The following NCKAP5 variants were observed in gnomAD, a reference collection of about 807,000 sequenced individuals.
The protein encoded by NCKAP5 is NCK associated protein 5, also known as nck-associated protein 5.
NCKAP5 carries 92 observed loss-of-function variants against 167.0 expected under a neutral mutation model. The observed-to-expected ratio is 0.55, with a 90% CI of 0.47 to 0.66. The LOEUF is 0.66. Ranked by LOEUF, NCKAP5 falls within the 30% of genes least tolerant of loss-of-function variation. The pLI is 0.00. For synonymous variants in NCKAP5, 891 were observed against 877.4 expected, an observed-to-expected ratio of 1.02 and a Z score of -0.27; for missense variants, 2,378 against 2,315.0, an observed-to-expected ratio of 1.03 and a Z score of -0.56.
chr2:132,815,473 C>T (rs1686193579), intron 11 of NCKAP5, among the ~76,000 whole-genome samples: 1 of 152,138 alleles, frequency 6.6e-6, no homozygotes. Context: ...TTGGAGACTA[C>T]AAATATTGCT....
At chr2:132,778,430 T>G (rs1682735498) in intron 15 of NCKAP5, among the ~76,000 whole-genome samples, 1 of 152,110 alleles carries the variant, frequency 6.6e-6, no homozygotes, top group Non-Finnish European at 1.5e-5. Context: ...TTGCTACACA[T>G]GTGGATTTGT....
intron 8 of NCKAP5, among the ~76,000 whole-genome samples, chr2:132,933,642 T>C (rs530138408): frequency 2.0e-5 from 3 of 152,322 alleles, no homozygotes; most frequent in African/African-American, 4.8e-5. Flanking sequence ...GTGATCCCAA[T>C]TAAAATTCTT....
chr2:133,079,691 C>T (rs1195204844), intron 6 of NCKAP5, among the ~76,000 whole-genome samples: 1 of 152,090 alleles, frequency 6.6e-6, no homozygotes, highest in Admixed American at 6.6e-5. Context: ...AAAGTAATTG[C>T]TAATATTTTG....
At chr2:133,472,324 A>T (rs182634148) in intron 3 of NCKAP5, among the ~76,000 whole-genome samples, 1 of 152,128 alleles carries the variant, frequency 6.6e-6, no homozygotes, top group Non-Finnish European at 1.5e-5. Flanking sequence ...CTTATAAATT[A>T]TCTTGTATCT....
intron 3 of NCKAP5, among the ~76,000 whole-genome samples, chr2:133,314,145 C>G (rs911689924): frequency 2.6e-5 from 4 of 152,274 alleles, no homozygotes; most frequent in African/African-American, 7.2e-5. Flanking sequence ...CCAAAGCTAT[C>G]CTGGGAGTCC....
chr2:132,740,516 T>A (rs1163000732), intron 16 of NCKAP5, among the ~76,000 whole-genome samples: 1 of 152,152 alleles, frequency 6.6e-6, no homozygotes, highest in Non-Finnish European at 1.5e-5. Context: ...CATTCTAAGT[T>A]TACCCCATGG....
intron 5 of NCKAP5, among the ~76,000 whole-genome samples, chr2:133,200,866 G>C (rs2085655108): frequency 6.6e-6 from 1 of 152,068 alleles, no homozygotes; most frequent in Non-Finnish European, 1.5e-5. Context: ...ATACCACTCA[G>C]CTATTTTTTA....
intron 3 of NCKAP5, among the ~76,000 whole-genome samples, chr2:133,348,372 G>A (rs1240548268): frequency 6.6e-6 from 1 of 152,198 alleles, no homozygotes; most frequent in Non-Finnish European, 1.5e-5. Context: ...TATTTGGGGA[G>A]TAGAGTTTAG....
the NCKAP5 span, among the ~76,000 whole-genome samples, chr2:133,615,113 AC>A: frequency 6.6e-6 from 1 of 151,800 alleles, no homozygotes; most frequent in East Asian, 1.9e-4. Flanking sequence ...AGATTTTGTC[AC>A]CACCAGGCCT....
chr2:133,394,269 T>A (rs1336387626), intron 3 of NCKAP5, among the ~76,000 whole-genome samples: 1 of 152,194 alleles, frequency 6.6e-6, no homozygotes, highest in African/African-American at 2.4e-5. Flanking sequence ...TTGTGGGATG[T>A]GTCTATATGG....
chr2:133,454,125 A>C (rs1208815089), intron 3 of NCKAP5, among the ~76,000 whole-genome samples: 1 of 152,036 alleles, frequency 6.6e-6, no homozygotes, highest in Non-Finnish European at 1.5e-5. Context: ...GAAATGAAGA[A>C]ATTAAGCTTA....
the NCKAP5 span, among the ~76,000 whole-genome samples, chr2:133,640,962 T>C: frequency 6.6e-6 from 1 of 152,234 alleles, no homozygotes; most frequent in Non-Finnish European, 1.5e-5. Context: ...CAAATAACTC[T>C]CCCCTTTTCC....
At chr2:133,200,760 T>C (rs1403554940) in intron 5 of NCKAP5, among the ~76,000 whole-genome samples, 1 of 152,188 alleles carries the variant, frequency 6.6e-6, no homozygotes, top group Non-Finnish European at 1.5e-5. Context: ...AAGAATTTCA[T>C]AGCAGCCTTA....
chr2:133,105,800 A>C (rs2081665113), intron 6 of NCKAP5, among the ~76,000 whole-genome samples: 1 of 152,214 alleles, frequency 6.6e-6, no homozygotes, highest in African/African-American at 2.4e-5. Context: ...TCTCTTAAAA[A>C]AATGTTGCTG....
At chr2:133,175,949 A>G (rs577115562) in intron 5 of NCKAP5, among the ~76,000 whole-genome samples, 2 of 152,336 alleles carry the variant, frequency 1.3e-5, no homozygotes, top group East Asian at 1.9e-4. Flanking sequence ...TCTGTTAAAA[A>G]TCTTAACTAG....
chr2:133,270,492 TAGTG>T (rs1295490370), intron 4 of NCKAP5, among the ~76,000 whole-genome samples: 3 of 152,068 alleles, frequency 2.0e-5, no homozygotes, highest in Admixed American at 1.3e-4. Context: ...TGATGGAAAA[TAGTG>T]AGGTAGGTGA....
At chr2:132,760,383 T>A (rs1264453241) in intron 16 of NCKAP5, among the ~76,000 whole-genome samples, 1 of 152,160 alleles carries the variant, frequency 6.6e-6, no homozygotes, top group Non-Finnish European at 1.5e-5. Flanking sequence ...CAATAATTAT[T>A]TTGTCTCAGA....
chr2:132,910,128 G>T (rs192550834), intron 8 of NCKAP5, among the ~76,000 whole-genome samples: 4 of 152,062 alleles, frequency 2.6e-5, no homozygotes, highest in Admixed American at 2.0e-4. Context: ...ATTTTTATGG[G>T]TATATAGTAG....
At chr2:133,666,449 C>T in the NCKAP5 span, among the ~76,000 whole-genome samples, 112 of 151,934 alleles carry the variant, frequency 7.4e-4, 1 homozygote, top group African/African-American at 2.6e-3. Flanking sequence ...CCACCCACCT[C>T]AGCCTCCCGA....
Sources: gnomAD v4.1 joint callset for allele counts (sites outside exome capture counted in the v4.1 genomes callset) on GRCh38, gnomAD v4.1.1 for gene constraint, MANE v1.5 for transcripts, NCBI Gene and HGNC (gene_info 2026-07-23, HGNC 2026-07-21) for gene names.